ZC3H12C: variants seen among roughly 807,000 people sequenced by gnomAD.
The protein encoded by ZC3H12C is zinc finger CCCH-type containing 12C, also known as probable ribonuclease ZC3H12C.
A neutral mutation model predicts 76.3 loss-of-function variants in ZC3H12C; 20 were observed. The observed-to-expected ratio is 0.26, with a 90% CI of 0.18 to 0.38. The LOEUF (loss-of-function observed/expected upper bound fraction) is 0.38, where lower values mean the gene tolerates loss of function less well. Among genes scored for constraint, ZC3H12C ranks in the 10% least tolerant of loss-of-function variants. The pLI is 1.00. For missense variants in ZC3H12C, 874 were observed against 1,086.5 expected (o/e 0.80, Z 2.75); for synonymous variants, 352 against 399.6 (o/e 0.88, Z 1.42).
chr11:110,108,356 G>T (rs940470564), intron 1 of ZC3H12C, among the ~76,000 whole-genome samples: 1 of 152,154 alleles, frequency 6.6e-6, no homozygotes, highest in African/African-American at 2.4e-5. Context: ...TCTCAAAAAA[G>T]GTTCAGATAA....
At chr11:110,102,705 A>T (rs983135006) in intron 1 of ZC3H12C, among the ~76,000 whole-genome samples, 3 of 152,156 alleles carry the variant, frequency 2.0e-5, no homozygotes, top group African/African-American at 2.4e-5. Context: ...TGCTACAGAG[A>T]AATCTTTCAT....
intron 1 of ZC3H12C, among the ~76,000 whole-genome samples, chr11:110,099,053 C>T (rs1861165237): frequency 6.6e-6 from 1 of 152,180 alleles, no homozygotes; most frequent in South Asian, 2.1e-4. Flanking sequence ...CCTACATTCG[C>T]TCTCTCATTT....
rs1862551119 is a variant in ZC3H12C, at chr11:110,165,013, A to C, written c.1928A>C (p.Tyr643Ser). ...SCGSSDSYVGYNDRSYVSSPD... is the reference protein window; with the variant it reads ...SCGSSDSYVGSNDRSYVSSPD... ...GGGAGCAGTGACTCCTACGTGGGTT[A>C]CAATGACCGGTCCTATGTCAGCTCC... is the stretch of plus-strand genomic sequence containing the variant. Residue 643 changes from tyrosine to serine, a missense_variant, in exon 6 of 6, where the codon TAC becomes TCC. This residue lies in a region of ZC3H12C where 395 missense variants were observed against 434.4 expected (regional missense o/e 0.91). Transcript: ENST00000278590. The C allele has an allele frequency of 3.1e-6, 5 of 1,613,910 alleles. No individual in the cohort carries two copies. The highest frequency in any genetic ancestry group is 4.2e-6 in the Non-Finnish European group (5 of 1,179,904).
chr11:110,105,836 T>C (rs1177188074), intron 1 of ZC3H12C, among the ~76,000 whole-genome samples: 1 of 152,224 alleles, frequency 6.6e-6, no homozygotes, highest in Non-Finnish European at 1.5e-5. Context: ...GTGCTGTAAT[T>C]TAATTATGAT....
chr11:110,171,825 A>G lies in ZC3H12C; in HGVS notation c.*6088A>G, dbSNP rs1014333979. ...CTATGAAAATTGAAATTAAATGTCA[A>G]AGACAACTAGACATAACTTAAGGCA... On this transcript the variant is annotated 3_prime_UTR_variant, in exon 6 of 6. Coordinates refer to ENST00000278590, the MANE Select transcript of ZC3H12C (RefSeq NM_033390.2). 2 of 152,212 alleles carry G rather than the reference A, an allele frequency of 1.3e-5. No homozygotes were observed. Among genetic ancestry groups the G allele is most frequent in the African/African-American group, 4.8e-5 (2 of 41,464 alleles). 9.4% of individuals were successfully genotyped at this position (152,212 alleles called of 1,614,324 possible). A position where few individuals can be genotyped will look rare whatever the true frequency, so the allele number is the denominator to read the frequency against.
intron 4 of ZC3H12C, among the ~76,000 whole-genome samples, chr11:110,159,782 G>A (rs1294171960): frequency 6.6e-6 from 1 of 152,194 alleles, no homozygotes; most frequent in Admixed American, 6.5e-5. Context: ...CAGACACTGG[G>A]GAAATTCCCA....
intron 1 of ZC3H12C, among the ~76,000 whole-genome samples, chr11:110,116,823 G>C (rs1298967316): frequency 1.3e-5 from 2 of 152,290 alleles, no homozygotes; most frequent in South Asian, 2.1e-4. Flanking sequence ...GACACAGAGA[G>C]GTTAAGTAAC....
rs1029875059 is a variant in ZC3H12C, at chr11:110,136,863, G to A, written c.222G>A (p.Gly74=). 3 of 1,613,772 alleles carry A rather than the reference G, an allele frequency of 1.9e-6. No individual in the cohort carries two copies. Among genetic ancestry groups the A allele is most frequent in the Non-Finnish European group, 2.5e-6 (3 of 1,179,874 alleles). ...ENPSMDTVNV[G]KDEKEASEEN... Reference sequence around the variant, plus strand: ...CAAGTATGGATACCGTTAATGTGGGGAAGGATGAAAAAGAGGCGTCTGAAG... The same window carrying A: ...CAAGTATGGATACCGTTAATGTGGGAAAGGATGAAAAAGAGGCGTCTGAAG... The change falls in exon 2 of 6, where the codon GGG becomes GGA. Residue 74 remains glycine (G), a synonymous_variant. Transcript: ENST00000278590.
At position 110,126,291 on chromosome 11, in the gene ZC3H12C, C is replaced by T. The variant is rs560814512; in HGVS notation, c.22-10372C>T. On this transcript the variant is annotated intron_variant, in intron 1 of 5. Coordinates refer to ENST00000278590, the MANE Select transcript of ZC3H12C (RefSeq NM_033390.2). ...CAGGCTGGAGTGCAACTCCAGCTCA[C>T]TGTAGCCTTGAACTCCTGGGCTCAA... is the stretch of plus-strand genomic sequence containing the variant. 2.1e-5 allele frequency among the ~76,000 whole-genome samples: 3 copies of T among 140,560 alleles called. No homozygotes were observed. In the South Asian group the frequency reaches 7.1e-4, roughly 33 times the overall value. 92.2% of individuals were successfully genotyped at this position (140,560 alleles called of 152,430 possible).
At chr11:110,129,690 T>G (rs1172239695) in intron 1 of ZC3H12C, among the ~76,000 whole-genome samples, 1 of 152,194 alleles carries the variant, frequency 6.6e-6, no homozygotes, top group African/African-American at 2.4e-5. Flanking sequence ...TAATTTGCAC[T>G]GGAATGAAAA....
At chr11:110,098,295 G>A (rs1380302978) in intron 1 of ZC3H12C, among the ~76,000 whole-genome samples, 1 of 152,148 alleles carries the variant, frequency 6.6e-6, no homozygotes, top group Admixed American at 6.5e-5. Flanking sequence ...AGGATATAAA[G>A]AAAGAAGATA....
chr11:110,163,135 T>C (rs11213287), intron 4 of ZC3H12C, 138 bp from the exon 5 acceptor site: 271,538 of 611,254 alleles, frequency 0.44, 62,086 homozygotes, highest in East Asian at 0.57. Context: ...TTTTTTACTC[T>C]GTAAACGTGG....
chr11:110,144,678 C>G (rs1862130373), intron 2 of ZC3H12C, among the ~76,000 whole-genome samples: 1 of 151,984 alleles, frequency 6.6e-6, no homozygotes, highest in Admixed American at 6.5e-5. Flanking sequence ...CTGTAATTTC[C>G]AAGGTTTTTA....
At chr11:110,097,607 T>A (rs967678127) in intron 1 of ZC3H12C, among the ~76,000 whole-genome samples, 1 of 152,222 alleles carries the variant, frequency 6.6e-6, no homozygotes, top group Non-Finnish European at 1.5e-5. Flanking sequence ...TTTCAGTACC[T>A]CTTTTTTCAG....
At chr11:110,157,115 G>A (rs1862390804) in intron 3 of ZC3H12C, among the ~76,000 whole-genome samples, 1 of 150,698 alleles carries the variant, frequency 6.6e-6, no homozygotes, top group Non-Finnish European at 1.5e-5. Context: ...GGAGGTGGAG[G>A]TTGCAGTGAG....
At chr11:110,104,107 C>A (rs766270959) in intron 1 of ZC3H12C, among the ~76,000 whole-genome samples, 7 of 151,190 alleles carry the variant, frequency 4.6e-5, no homozygotes, top group Non-Finnish European at 1.0e-4. Flanking sequence ...AATCTTGGGT[C>A]ACTGCAACAT....
chr11:110,104,782 G>A (rs1861289119), intron 1 of ZC3H12C, among the ~76,000 whole-genome samples: 1 of 152,184 alleles, frequency 6.6e-6, no homozygotes, highest in African/African-American at 2.4e-5. Context: ...GTATAAAAGT[G>A]CTTGACACAT....
intron 1 of ZC3H12C, among the ~76,000 whole-genome samples, chr11:110,110,583 C>T (rs1861407834): frequency 6.6e-6 from 1 of 152,186 alleles, no homozygotes; most frequent in Non-Finnish European, 1.5e-5. Flanking sequence ...AGAGATTATT[C>T]CACATTCTTG....
intron 1 of ZC3H12C, among the ~76,000 whole-genome samples, chr11:110,126,216 C>CTT (rs56199067): frequency 1.2e-3 from 99 of 85,956 alleles, no homozygotes; most frequent in Non-Finnish European, 1.6e-3. Context: ...TTGTTTTCTT[C>CTT]TTTTTTTTTT....
Sources: gnomAD v4.1 joint callset for allele counts (sites outside exome capture counted in the v4.1 genomes callset) on GRCh38, gnomAD v4.1.1 for gene constraint, gnomAD v4.1.1 regional missense constraint, MANE v1.5 for transcripts, NCBI Gene and HGNC (gene_info 2026-07-23, HGNC 2026-07-21) for gene names.